Variants in PHLDB1 observed in about 807,000 individuals in gnomAD.
PHLDB1 encodes the protein pleckstrin homology-like domain family B member 1.
A neutral mutation model predicts 139.3 loss-of-function variants in PHLDB1; 65 were observed. The observed-to-expected ratio is 0.47, with a 90% confidence interval of 0.38 to 0.57. PHLDB1 has a LOEUF of 0.57. Ranked by LOEUF, PHLDB1 falls within the 20% of genes least tolerant of loss-of-function variation. The pLI is 0.00. For synonymous variants in PHLDB1, 679 were observed against 734.5 expected (o/e 0.92, Z 1.22); for missense variants, 1,624 against 1,839.7 (o/e 0.88, Z 2.14).
chr11:118,623,691 C>CA (rs1555097419), intron 4 of PHLDB1, among the ~76,000 whole-genome samples: 1 of 152,024 alleles, frequency 6.6e-6, no homozygotes, highest in African/African-American at 2.4e-5. Context: ...ATTCAGGACC[C>CA]CCCCGGTTCA....
intron 4 of PHLDB1, among the ~76,000 whole-genome samples, chr11:118,619,811 C>G (rs7123530): frequency 0.019 from 2,868 of 152,296 alleles, 52 homozygotes; most frequent in Middle Eastern, 0.082. Flanking sequence ...GGCTAGTGGG[C>G]TGTTTAGCAA....
rs781816110 is a variant in PHLDB1, at chr11:118,642,189, T to C, written c.2737-65T>C. On this transcript the variant is annotated intron_variant, in intron 12 of 22. Transcript: ENST00000600882. ...CTCCTGCCTTTTCCTTTCCCTTTAT[T>C]TCCTGGCCTTTCCTCTCCATCCTCC... 3.5e-6 allele frequency: 5 copies of C among 1,445,310 alleles called. No homozygotes were observed. In the East Asian group the frequency reaches 9.1e-5, roughly 26 times the overall value. The allele number at this position is 1,445,310 out of a possible 1,614,324, so 89.5% of individuals were successfully genotyped here.
chr11:118,633,183 C>G (rs1402293810), intron 9 of PHLDB1: 1 of 152,454 alleles, frequency 6.6e-6, no homozygotes, highest in Admixed American at 6.5e-5. Flanking sequence ...TTTGCACTAA[C>G]TCAGTGGGTG....
At chr11:118,639,480 T>C in intron 12 of PHLDB1, 1 of 546,800 alleles carries the variant, frequency 1.8e-6, no homozygotes, top group Non-Finnish European at 3.3e-6. Context: ...GATTTCACTG[T>C]TTTTGGTGGC....
Position 118,644,845 on chromosome 11 carries a change from C to A in PHLDB1, c.3122-511C>A, listed in dbSNP as rs1366212185. ...TGCTGGCCTCACCCCTCCAGCTGGCCTCTCTTCTGCCCTCATCTGTGCTCT... is the reference window on the plus strand; with the variant it reads ...TGCTGGCCTCACCCCTCCAGCTGGCATCTCTTCTGCCCTCATCTGTGCTCT... On this transcript the variant is annotated intron_variant, in intron 15 of 22. Transcript: ENST00000600882. The A allele has an allele frequency of 1.2e-5, 4 of 329,450 alleles. No homozygotes were observed. The Admixed American group carries it at 1.2e-4, about 10-fold the overall frequency. 20.4% of individuals were successfully genotyped at this position (329,450 alleles called of 1,614,324 possible).
At chr11:118,614,751 A>C (rs1591456509) in intron 3 of PHLDB1, 69 bp downstream of exon 3, 1 of 1,515,372 alleles carries the variant, frequency 6.6e-7, no homozygotes, top group Non-Finnish European at 9.0e-7. Flanking sequence ...CTGGAGGCCC[A>C]CCTCCTGCAT....
intron 20 of PHLDB1, chr11:118,651,843 C>G (rs1555137490): frequency 6.6e-6 from 1 of 152,032 alleles, no homozygotes; most frequent in East Asian, 1.9e-4. Flanking sequence ...TCCTTATGCC[C>G]AATACATGTC....
chr11:118,656,842 C>G lies in PHLDB1; in HGVS notation c.*19C>G, dbSNP rs1949133211. On this transcript the variant is annotated 3_prime_UTR_variant, in exon 23 of 23. Coordinates refer to ENST00000600882, the MANE Select transcript of PHLDB1 (RefSeq NM_001144758.3). ...GAACTAACTGCCGTGGGCCTCCTGG[C>G]AGAGCACAACTGGGGCTTTTGTATA... 1 of 1,599,838 alleles carries G rather than the reference C, an allele frequency of 6.3e-7. No individual in the cohort carries two copies. Among genetic ancestry groups the G allele is most frequent in the Admixed American group, 1.7e-5 (1 of 59,250 alleles).
At position 118,639,152 on chromosome 11, in the gene PHLDB1, G is replaced by C; in HGVS notation, c.2647-10G>C. On this transcript the variant is annotated splice_polypyrimidine_tract_variant and intron_variant, in intron 11 of 22. Coordinates refer to ENST00000600882, the MANE Select transcript of PHLDB1 (RefSeq NM_001144758.3). ...CACTCCTCTTTGACTCTGCCATTCT[G>C]GGCTCGCAGGAGAAGGAGAAGCTGA... 6.2e-7 allele frequency: 1 copy of C among 1,613,374 alleles called. No individual in the cohort carries two copies. The highest frequency in any genetic ancestry group is 8.5e-7 in the Non-Finnish European group (1 of 1,179,278).
chr11:118,642,534 C>T, intron 13 of PHLDB1, 140 bp downstream of exon 13: 1 of 987,522 alleles, frequency 1.0e-6, no homozygotes, highest in Admixed American at 2.5e-5. Context: ...CCTCTGGGCC[C>T]TGAGAGGGTC....
chr11:118,625,165 A>C, intron 5 of PHLDB1, 106 bp downstream of exon 5: 3 of 1,331,824 alleles, frequency 2.3e-6, no homozygotes, highest in African/African-American at 1.5e-5. Flanking sequence ...GACAATACCT[A>C]AGGTCTGGGC....
chr11:118,642,067 C>A, intron 12 of PHLDB1, 187 bp from the exon 13 acceptor site: 4 of 662,520 alleles, frequency 6.0e-6, no homozygotes, highest in Admixed American at 2.3e-5. Flanking sequence ...CCCTTCCTTC[C>A]TCCCCTTCTT....
At chr11:118,655,712 AG>A in intron 21 of PHLDB1, 22 bp downstream of exon 21, 2 of 1,584,310 alleles carry the variant, frequency 1.3e-6, no homozygotes, top group Non-Finnish European at 1.7e-6. Context: ...AGGGCACCAG[AG>A]GGGGGCCAGA....
At chr11:118,607,329 TGTGGTGGTGGTGGTGGTGGTGGTG>T (rs60326273), upstream of PHLDB1, among the ~76,000 whole-genome samples, 243 of 57,658 alleles carry the variant, frequency 4.2e-3, 2 homozygotes, top group African/African-American at 0.013. Flanking sequence ...GAGGGGGATG[TGTGGTGGTGGTGGTGGTGGTGGTG>T]GTGGTGGTGG....
chr11:118,646,151 G>T (rs1276263172), intron 17 of PHLDB1, among the ~76,000 whole-genome samples: 1 of 151,522 alleles, frequency 6.6e-6, no homozygotes, highest in Admixed American at 6.6e-5. Context: ...TCCCAGCTGC[G>T]CGGGAGGCTG....
chr11:118,638,990 C>T lies in PHLDB1; in HGVS notation c.2635C>T (p.Leu879=), dbSNP rs1473316850. The part of the protein sequence containing the change: ...LARDKNASLQ[L]LQKEKEKLTV... ...CCGGGACAAGAATGCCTCCTTACAG[C>T]TGCTGCAAAAGGTAGGGTCCCTGAG... The change falls in exon 11 of 23, where the codon CTG becomes TTG. Residue 879 remains leucine (L), a synonymous_variant. Coordinates refer to ENST00000600882, the MANE Select transcript of PHLDB1 (RefSeq NM_001144758.3). The T allele has an allele frequency of 6.2e-7, 1 of 1,612,768 alleles. No homozygotes were observed. Among genetic ancestry groups the T allele is most frequent in the Non-Finnish European group, 8.5e-7 (1 of 1,179,070 alleles).
At chr11:118,630,150 G>GTT (rs1390999670) in intron 6 of PHLDB1, 2 of 962,512 alleles carry the variant, frequency 2.1e-6, no homozygotes, top group Admixed American at 2.4e-5. Context: ...TGGCCAAACT[G>GTT]TAAGTGATGA....
At chr11:118,626,962 C>T (rs1385638640) in intron 5 of PHLDB1, 5 of 283,096 alleles carry the variant, frequency 1.8e-5, no homozygotes, top group Non-Finnish European at 3.3e-5. Context: ...GCCTACGTGC[C>T]CTTCTTGAGG....
At position 118,610,873 on chromosome 11, in the gene PHLDB1, C is replaced by T. The variant is rs1041259557; in HGVS notation, c.-21-2943C>T. On this transcript the variant is annotated intron_variant, in intron 1 of 22. Coordinates refer to ENST00000600882, the MANE Select transcript of PHLDB1 (RefSeq NM_001144758.3). The surrounding 1 kb of genome is among the most constrained non-coding windows in gnomAD (Gnocchi z 8.7). Reference sequence around the variant, plus strand: ...GCGCCCCGGCCTTGCGCACAGAGGGCCTTGCCTGTCGCTCGTCAAATCCAG... The same window carrying T: ...GCGCCCCGGCCTTGCGCACAGAGGGTCTTGCCTGTCGCTCGTCAAATCCAG... 2.6e-5 allele frequency among the ~76,000 whole-genome samples: 4 copies of T among 152,228 alleles called. No homozygotes were observed. Among genetic ancestry groups the T allele is most frequent in the Admixed American group, 2.6e-4 (4 of 15,292 alleles).
Sources: gnomAD v4.1 joint callset for allele counts (sites outside exome capture counted in the v4.1 genomes callset) on GRCh38, gnomAD v4.1.1 for gene constraint, Gnocchi (gnomAD v3.1) non-coding constraint, MANE v1.5 for transcripts, NCBI Gene and HGNC (gene_info 2026-07-23, HGNC 2026-07-21) for gene names.